The following ZNF777 variants were observed in gnomAD, a reference collection of about 807,000 sequenced individuals.
ZNF777 encodes the protein zinc finger protein 777.
In ZNF777, 7 loss-of-function variants were observed where a neutral mutation model predicts 72.1. That is an observed-to-expected ratio of 0.10 (90% confidence interval 0.06 to 0.18). The LOEUF (loss-of-function observed/expected upper bound fraction) is 0.18, where lower values mean the gene tolerates loss of function less well. Ranked by LOEUF, ZNF777 falls within the 10% of genes least tolerant of loss-of-function variation. The probability of loss-of-function intolerance (pLI) is 1.00; values close to 1 mark genes in which losing one functional copy is unlikely to be tolerated. For missense variants in ZNF777, 828 were observed against 1,128.6 expected (o/e 0.73, Z 3.82); for synonymous variants, 545 against 483.5 (o/e 1.13, Z -1.67).
chr7:149,441,574 G>T (rs1008359960), intron 4 of ZNF777, among the ~76,000 whole-genome samples: 2 of 152,022 alleles, frequency 1.3e-5, no homozygotes, highest in African/African-American at 4.8e-5. Context: ...GTAGCTTGCT[G>T]TTGCCATCAT....
At chr7:149,442,349 G>A (rs1799535333) in intron 4 of ZNF777, among the ~76,000 whole-genome samples, 1 of 151,682 alleles carries the variant, frequency 6.6e-6, no homozygotes, top group African/African-American at 2.4e-5. Context: ...CAGGCGTGGT[G>A]GCTCACGCCT....
rs1050699690 is a variant in ZNF777 at position 149,460,464 on chromosome 7, G to A, written c.-16+351C>T. Among the ~76,000 whole-genome samples, 3 of 148,050 alleles carry A rather than the reference G, an allele frequency of 2.0e-5. No homozygotes were observed. The highest frequency in any genetic ancestry group is 7.3e-5 in the African/African-American group (3 of 40,940). ...CTCAACGGCGGCCCCCGGCCCGCGC[G>A]CCGCCCCTCTGCGGCCGCGGCTGGG... is the stretch of plus-strand genomic sequence containing the variant. On this transcript the variant is annotated intron_variant, in intron 1 of 5. Transcript: ENST00000247930. This position sits in a 1 kb window ranked among gnomAD's most constrained non-coding sequence, Gnocchi z 6.1.
intron 4 of ZNF777, among the ~76,000 whole-genome samples, chr7:149,437,966 G>A (rs1799447117): frequency 6.6e-6 from 1 of 150,930 alleles, no homozygotes; most frequent in East Asian, 2.0e-4. Flanking sequence ...TGCAAGCTCC[G>A]CCTCCCAACT....
At position 149,461,044 on chromosome 7, in the gene ZNF777, G is replaced by A. The variant is rs1391087174; in HGVS notation, c.-245C>T. 1 of 152,308 alleles carries A rather than the reference G, an allele frequency of 6.6e-6. No individual in the cohort carries two copies. Among genetic ancestry groups the A allele is most frequent in the African/African-American group, 2.4e-5 (1 of 41,460 alleles). The allele number at this position is 152,308 out of a possible 1,614,324, so 9.4% of individuals were successfully genotyped here. A position where few individuals can be genotyped will look rare whatever the true frequency, so the allele number is the denominator to read the frequency against. ...GATCTAAGAAACCCGTCACACCAGA[G>A]AAAGCCCGGAGTTCATGTGACCAGC... On this transcript the variant is annotated 5_prime_UTR_variant, in exon 1 of 6. Coordinates refer to ENST00000247930, the MANE Select transcript of ZNF777 (RefSeq NM_015694.3).
intron 1 of ZNF777, among the ~76,000 whole-genome samples, chr7:149,457,566 A>G (rs770603941): frequency 6.6e-5 from 10 of 152,220 alleles, no homozygotes; most frequent in South Asian, 2.1e-4. Context: ...AAGCAATTCC[A>G]TATCTTCTAC....
intron 3 of ZNF777, 53 bp from the exon 4 acceptor site, chr7:149,451,165 G>C (rs1317321275): frequency 6.7e-7 from 1 of 1,494,188 alleles, no homozygotes; most frequent in Non-Finnish European, 9.3e-7. Context: ...TGCACTGGAT[G>C]TTGTTAAGGT....
intron 3 of ZNF777, 133 bp downstream of exon 3, chr7:149,453,978 G>T: frequency 7.3e-7 from 1 of 1,363,842 alleles, no homozygotes; most frequent in Non-Finnish European, 1.0e-6. Flanking sequence ...GCTTTAATTT[G>T]TTGTGATCTC....
At chr7:149,437,799 C>CTTTTTTTTTTTTTTTTTTTTTT (rs796721387) in intron 4 of ZNF777, among the ~76,000 whole-genome samples, 2 of 115,654 alleles carry the variant, frequency 1.7e-5, no homozygotes, top group Non-Finnish European at 3.5e-5. Context: ...ATGTTTGTTT[C>CTTTTTTTTTTTTTTTTTTTTTT]TTTTTCTTTT....
intron 1 of ZNF777, among the ~76,000 whole-genome samples, chr7:149,458,276 A>G (rs1799870641): frequency 6.6e-6 from 1 of 152,112 alleles, no homozygotes; most frequent in Non-Finnish European, 1.5e-5. Flanking sequence ...CAGCTAAGCC[A>G]CCTCTGAACT....
intron 4 of ZNF777, among the ~76,000 whole-genome samples, chr7:149,448,060 C>T (rs1252657826): frequency 6.6e-6 from 1 of 152,172 alleles, no homozygotes; most frequent in Non-Finnish European, 1.5e-5. Flanking sequence ...GTCTATCATA[C>T]TGTGATTTAT....
chr7:149,459,042 T>A (rs1255925104), intron 1 of ZNF777, among the ~76,000 whole-genome samples: 1 of 152,196 alleles, frequency 6.6e-6, no homozygotes, highest in East Asian at 1.9e-4. Context: ...CCAGTATGGT[T>A]CACCCAGCAT....
In ZNF777 at chr7:149,436,713, A is replaced by G; in HGVS notation, c.1201T>C (p.Ser401Pro). The G allele has an allele frequency of 1.9e-6, 3 of 1,614,106 alleles. No individual in the cohort carries two copies. Among genetic ancestry groups the G allele is most frequent in the Non-Finnish European group, 2.5e-6 (3 of 1,180,002 alleles). The stretch of plus-strand genomic sequence containing the variant: ...TCCCCACAGGGGTCACCCAGCTCTG[A>G]GTCCTGGAAGCCGTGCTCTTCCACC... The part of the protein sequence containing the change: ...GQVEEHGFQD[S>P]ELGDPCGEQP... The change falls in exon 5 of 6, where the codon TCA (serine) becomes CCA (proline). Residue 401 changes from serine (S) to proline (P), a missense_variant. By Grantham distance (74) the Ser-to-Pro change is moderately conservative (BLOSUM62 -1). Transcript: ENST00000247930. This position sits in a 1 kb window ranked among gnomAD's most constrained non-coding sequence, Gnocchi z 5.0.
chr7:149,454,346 T>C, intron 2 of ZNF777, 109 bp from the exon 3 acceptor site: 2 of 1,427,664 alleles, frequency 1.4e-6, no homozygotes, highest in South Asian at 2.6e-5. Context: ...ACCTAGGACT[T>C]TTCTAGAAGT....
chr7:149,431,685 C>T lies in ZNF777; in HGVS notation c.*91G>A, dbSNP rs1799308524. ...TCACGGCAAAGGGGCTGGGGGGCGC[C>T]CCGCCCCCGCCCGCTGGGCTCGGGC... On this transcript the variant is annotated 3_prime_UTR_variant, in exon 6 of 6. Transcript: ENST00000247930. 8.8e-7 allele frequency: 1 copy of T among 1,133,822 alleles called. No homozygotes were observed. The highest frequency in any genetic ancestry group is 1.1e-6 in the Non-Finnish European group (1 of 916,430). The allele number at this position is 1,133,822 out of a possible 1,614,324, so 70.2% of individuals were successfully genotyped here.
Position 149,432,938 on chromosome 7 carries a change from C to T in ZNF777, c.1340-6G>A. The T allele has an allele frequency of 1.4e-6, 2 of 1,462,040 alleles. No homozygotes were observed. The highest frequency in any genetic ancestry group is 2.5e-5 in the East Asian group (1 of 40,572). The allele number at this position is 1,462,040 out of a possible 1,614,324, so 90.6% of individuals were successfully genotyped here. On this transcript the variant is annotated splice_region_variant and splice_polypyrimidine_tract_variant and intron_variant, in intron 5 of 5. Transcript: ENST00000247930. ...TGTCTTGATCACGATCCCCTCTGCT[C>T]CAGGGACAGAGAGAGAAAGTCGTTA...
At chr7:149,458,542 A>C (rs562560409) in intron 1 of ZNF777, among the ~76,000 whole-genome samples, 4 of 150,856 alleles carry the variant, frequency 2.7e-5, no homozygotes, top group Non-Finnish European at 4.4e-5. Context: ...AAAACAAAAC[A>C]AAACCCTCCA....
intron 4 of ZNF777, among the ~76,000 whole-genome samples, chr7:149,441,172 A>T (rs1315799605): frequency 6.6e-6 from 1 of 152,252 alleles, no homozygotes; most frequent in Non-Finnish European, 1.5e-5. Flanking sequence ...ACCAAGCTGC[A>T]TTCATTTATA....
intron 4 of ZNF777, among the ~76,000 whole-genome samples, chr7:149,439,433 G>A (rs1799470021): frequency 6.6e-6 from 1 of 152,122 alleles, no homozygotes; most frequent in Admixed American, 6.5e-5. Context: ...AATTTCTGGA[G>A]TATTGTAAAT....
chr7:149,449,212 T>C (rs1799670816), intron 4 of ZNF777, among the ~76,000 whole-genome samples: 1 of 152,174 alleles, frequency 6.6e-6, no homozygotes, highest in African/African-American at 2.4e-5. Flanking sequence ...GCGGTACCTA[T>C]GTCCTCCCCT....
Sources: gnomAD v4.1 joint callset for allele counts (sites outside exome capture counted in the v4.1 genomes callset) on GRCh38, gnomAD v4.1.1 for gene constraint, Gnocchi (gnomAD v3.1) non-coding constraint, MANE v1.5 for transcripts, NCBI Gene and HGNC (gene_info 2026-07-23, HGNC 2026-07-21) for gene names.